The following NKAIN1 variants were observed in gnomAD, a reference collection of about 807,000 sequenced individuals.
NKAIN1 encodes sodium/potassium transporting ATPase interacting 1.
In NKAIN1, 13 loss-of-function variants were observed where a neutral mutation model predicts 31.6. That is an observed-to-expected ratio of 0.41 (90% CI 0.27 to 0.65). The LOEUF (loss-of-function observed/expected upper bound fraction) is 0.65. Ranked by LOEUF, NKAIN1 falls within the 30% of genes least tolerant of loss-of-function variation. The pLI, the probability that NKAIN1 is intolerant of heterozygous loss-of-function variation, is 0.30. For synonymous variants in NKAIN1, 104 were observed against 109.0 expected, an observed-to-expected ratio of 0.95 and a Z score of 0.28; for missense variants, 193 against 262.2, an observed-to-expected ratio of 0.74 and a Z score of 1.82.
At chr1:31,231,225 C>T (rs1645645429) in intron 1 of NKAIN1, among the ~76,000 whole-genome samples, 1 of 151,804 alleles carries the variant, frequency 6.6e-6, no homozygotes, top group Non-Finnish European at 1.5e-5. Flanking sequence ...ACTGTAGTCA[C>T]ACTGTTGTGC....
chr1:31,200,083 G>A (rs948886537), intron 1 of NKAIN1, among the ~76,000 whole-genome samples: 2 of 151,516 alleles, frequency 1.3e-5, no homozygotes, highest in East Asian at 1.9e-4. Flanking sequence ...ACACATGCGC[G>A]CACACGCATT....
intron 1 of NKAIN1, among the ~76,000 whole-genome samples, chr1:31,223,058 A>C (rs1044551711): frequency 1.3e-5 from 2 of 152,114 alleles, no homozygotes; most frequent in Non-Finnish European, 2.9e-5. Context: ...TTGCTGGGGA[A>C]AAGCAGCGGC....
intron 4 of NKAIN1, 41 bp from the exon 5 acceptor site, chr1:31,182,631 G>A: frequency 6.2e-7 from 1 of 1,609,720 alleles, no homozygotes. Context: ...AGGAGGAGTG[G>A]GAACCTCTTC....
intron 1 of NKAIN1, among the ~76,000 whole-genome samples, chr1:31,194,840 C>T (rs564892032): frequency 1.5e-5 from 2 of 129,742 alleles, no homozygotes; most frequent in East Asian, 5.1e-4. Context: ...GGCGGGATCT[C>T]AGCTCACCGC....
At chr1:31,232,446 G>T (rs1254426397) in intron 1 of NKAIN1, among the ~76,000 whole-genome samples, 5 of 108,808 alleles carry the variant, frequency 4.6e-5, no homozygotes, top group Non-Finnish European at 4.0e-5. Context: ...GAGAGAGAGA[G>T]AGAGAGAGAG....
chr1:31,235,002 G>A (rs1413036564), intron 1 of NKAIN1, among the ~76,000 whole-genome samples: 1 of 152,190 alleles, frequency 6.6e-6, no homozygotes, highest in African/African-American at 2.4e-5. Context: ...CAATAAGAAG[G>A]ATGAAAGCAG....
At chr1:31,207,832 A>G (rs1430922589) in intron 1 of NKAIN1, among the ~76,000 whole-genome samples, 1 of 139,914 alleles carries the variant, frequency 7.1e-6, no homozygotes, top group Admixed American at 6.8e-5. Flanking sequence ...TGTCCATATC[A>G]TGTACTCCTC....
chr1:31,199,189 G>A (rs1318417813), intron 1 of NKAIN1, among the ~76,000 whole-genome samples: 1 of 152,120 alleles, frequency 6.6e-6, no homozygotes, highest in African/African-American at 2.4e-5. Flanking sequence ...GTCCACTGAG[G>A]GACGAGCTCT....
chr1:31,188,512 G>A (rs370168616), intron 1 of NKAIN1: 1 of 248,738 alleles, frequency 4.0e-6, no homozygotes, highest in East Asian at 8.6e-5. Flanking sequence ...GCCACCCCTA[G>A]CCTTGGAGGG....
intron 1 of NKAIN1, among the ~76,000 whole-genome samples, chr1:31,204,848 A>G (rs1237269096): frequency 6.6e-6 from 1 of 151,842 alleles, no homozygotes; most frequent in African/African-American, 2.4e-5. Context: ...GATGGGGGGA[A>G]GGCCAGAATG....
At chr1:31,198,206 T>C (rs1047625980) in intron 1 of NKAIN1, among the ~76,000 whole-genome samples, 8 of 152,130 alleles carry the variant, frequency 5.3e-5, no homozygotes, top group Non-Finnish European at 7.4e-5. Flanking sequence ...CCTTGGCTAC[T>C]ACCCCATTCT....
intron 1 of NKAIN1, among the ~76,000 whole-genome samples, chr1:31,196,846 G>A (rs1388657295): frequency 3.3e-5 from 5 of 152,202 alleles, no homozygotes; most frequent in African/African-American, 7.2e-5. Context: ...CCATGGCACC[G>A]TCCCAGAGGC....
intron 1 of NKAIN1, among the ~76,000 whole-genome samples, chr1:31,201,224 TC>T (rs926575714): frequency 1.3e-5 from 2 of 152,050 alleles, no homozygotes; most frequent in African/African-American, 4.8e-5. Flanking sequence ...GTAACATCTG[TC>T]CCATTAGGAA....
In NKAIN1 at chr1:31,189,749, G is replaced by C. The variant is rs188593246; in HGVS notation, c.55-1562C>G. On this transcript the variant is annotated intron_variant, in intron 1 of 6. Transcript: ENST00000373736. ...TAATCAAAGACAATGATGAATTTAG[G>C]GATAGGCGCTCACCCCATGCTCTGC... Among the ~76,000 whole-genome samples the C allele has an allele frequency of 4.6e-5, 7 of 152,272 alleles. No individual in the cohort carries two copies. In the East Asian group the frequency reaches 1.4e-3, roughly 29 times the overall value.
chr1:31,206,063 C>T (rs1361653963), intron 1 of NKAIN1, among the ~76,000 whole-genome samples: 3 of 149,604 alleles, frequency 2.0e-5, no homozygotes, highest in African/African-American at 7.3e-5. Context: ...ATGAAACCCC[C>T]GTCTCTACTA....
chr1:31,215,166 A>G (rs1193729375), intron 1 of NKAIN1, among the ~76,000 whole-genome samples: 3 of 152,172 alleles, frequency 2.0e-5, no homozygotes, highest in Non-Finnish European at 4.4e-5. Context: ...AACCAGTCTC[A>G]CTGCTATGGC....
chr1:31,230,150 C>T (rs1000794939), intron 1 of NKAIN1, among the ~76,000 whole-genome samples: 15 of 152,286 alleles, frequency 9.8e-5, no homozygotes, highest in Middle Eastern at 3.4e-3. Context: ...TTTCCTACCC[C>T]ACAGTACTCG....
chr1:31,228,670 T>C (rs1057141058), intron 1 of NKAIN1, among the ~76,000 whole-genome samples: 1 of 152,088 alleles, frequency 6.6e-6, no homozygotes, highest in African/African-American at 2.4e-5. Flanking sequence ...CTCGGCTCAC[T>C]GCACACTTGA....
chr1:31,185,403 A>T, intron 2 of NKAIN1, 76 bp from the exon 3 acceptor site: 1 of 1,131,388 alleles, frequency 8.8e-7, no homozygotes, highest in Non-Finnish European at 1.3e-6. Context: ...GACAGAGCTC[A>T]GGGATGAGGA....
Sources: gnomAD v4.1 joint callset for allele counts (sites outside exome capture counted in the v4.1 genomes callset) on GRCh38, gnomAD v4.1.1 for gene constraint, MANE v1.5 for transcripts, NCBI Gene and HGNC (gene_info 2026-07-23, HGNC 2026-07-21) for gene names.